The following ZC3HC1 variants were observed in gnomAD, a reference collection of about 807,000 sequenced individuals.
ZC3HC1 encodes the protein zinc finger C3HC-type containing 1, also known as zinc finger C3HC-type protein 1.
A neutral mutation model predicts 61.9 loss-of-function variants in ZC3HC1; 38 were observed. The observed-to-expected ratio is 0.61, with a 90% CI of 0.47 to 0.81. The LOEUF is 0.81. Ranked by LOEUF, ZC3HC1 falls within the 30% of genes least tolerant of loss-of-function variation. The probability of loss-of-function intolerance (pLI) is 0.00; values close to 1 mark genes in which losing one functional copy is unlikely to be tolerated. For missense variants in ZC3HC1, 554 were observed against 622.7 expected, an observed-to-expected ratio of 0.89 and a Z score of 1.17; for synonymous variants, 213 against 229.9, an observed-to-expected ratio of 0.93 and a Z score of 0.67.
At chr7:130,032,799 G>GGGAGGGAGGGTAGT (rs1794274038) in intron 4 of ZC3HC1, among the ~76,000 whole-genome samples, 1 of 135,550 alleles carries the variant, frequency 7.4e-6, no homozygotes, top group Admixed American at 7.5e-5. Context: ...GGGAAGGAAA[G>GGGAGGGAGGGTAGT]GAAGGGAAGG....
At chr7:130,034,512 A>G (rs1017981685) in intron 4 of ZC3HC1, among the ~76,000 whole-genome samples, 8 of 130,728 alleles carry the variant, frequency 6.1e-5, no homozygotes, top group African/African-American at 8.4e-5. Context: ...AAAAAAAAAA[A>G]GAGACAGGGT....
intron 4 of ZC3HC1, among the ~76,000 whole-genome samples, chr7:130,033,687 C>G (rs1315949035): frequency 2.0e-5 from 3 of 152,010 alleles, no homozygotes; most frequent in African/African-American, 7.2e-5. Flanking sequence ...CTCCTGACCT[C>G]GTGATCTGCC....
chr7:130,028,459 G>A (rs886933353), intron 5 of ZC3HC1, among the ~76,000 whole-genome samples: 58 of 151,866 alleles, frequency 3.8e-4, no homozygotes, highest in African/African-American at 9.4e-4. Flanking sequence ...GGAGAATTGC[G>A]TGGACCTGGG....
At position 130,029,144 on chromosome 7, in the gene ZC3HC1, G is replaced by A. The variant is rs529485030; in HGVS notation, c.494-115C>T. 150 of 1,201,144 alleles carry A rather than the reference G, an allele frequency of 1.2e-4. No homozygotes were observed. In the African/African-American group the frequency reaches 2.2e-3, roughly 17 times the overall value. The allele number at this position is 1,201,144 out of a possible 1,614,324, so 74.4% of individuals were successfully genotyped here. On this transcript the variant is annotated intron_variant, in intron 4 of 9. Coordinates refer to ENST00000358303, the MANE Select transcript of ZC3HC1 (RefSeq NM_016478.5). ...CCAGCACTTTGGAAGGCCGAGGCGG[G>A]CGGATCACCTGAGGTCAGGAGTTCA... is the stretch of plus-strand genomic sequence containing the variant.
intron 4 of ZC3HC1, among the ~76,000 whole-genome samples, chr7:130,038,881 C>T (rs1794533957): frequency 7.0e-6 from 1 of 142,756 alleles, no homozygotes; most frequent in Non-Finnish European, 1.5e-5. Context: ...AAAAAAAAAC[C>T]AAAAGAACTG....
At chr7:130,034,447 T>C (rs1294128624) in intron 4 of ZC3HC1, among the ~76,000 whole-genome samples, 1 of 119,134 alleles carries the variant, frequency 8.4e-6, no homozygotes, top group Non-Finnish European at 1.6e-5. Context: ...ACCCTGCCAC[T>C]GCACTCTAGC....
intron 1 of ZC3HC1, chr7:130,050,547 T>A (rs1394982795): frequency 7.2e-7 from 1 of 1,393,278 alleles, no homozygotes; most frequent in African/African-American, 1.5e-5. Flanking sequence ...TGACATTTAT[T>A]TCTCTCTAAA....
At position 130,026,163 on chromosome 7, in the gene ZC3HC1, C is replaced by T. The variant is rs754547144; in HGVS notation, c.771G>A (p.Ala257=). The change falls in exon 6 of 10, where the codon GCG becomes GCA. Residue 257 remains alanine, a synonymous_variant. Coordinates refer to ENST00000358303, the MANE Select transcript of ZC3HC1 (RefSeq NM_016478.5). ...GGCAAAATCTGCTGACTCACCTACA[C>T]GCCCAGCCACACACAGAGAGAATAC... ...TACILSVCGW[A]CSSSLESMQL... 2.0e-5 allele frequency: 32 copies of T among 1,612,658 alleles called. No individual in the cohort carries two copies. The highest frequency in any genetic ancestry group is 5.5e-5 in the South Asian group (5 of 90,982).
rs183496687 is a variant in ZC3HC1 at position 130,029,064 on chromosome 7, G to A, written c.494-35C>T. On this transcript the variant is annotated intron_variant, in intron 4 of 9. Coordinates refer to ENST00000358303, the MANE Select transcript of ZC3HC1 (RefSeq NM_016478.5). ...AAGTAAATTGGAAGATTATATTGGT[G>A]TAAACTGTAAAAAATAAAAAACACG... The A allele has an allele frequency of 1.2e-5, 19 of 1,590,098 alleles. No homozygotes were observed. The Admixed American group carries it at 2.9e-4, about 25-fold the overall frequency.
rs866489941 is a variant in ZC3HC1 at position 130,024,465 on chromosome 7, G to A, written c.818C>T (p.Ser273Leu). Residue 273 changes from serine (S) to leucine (L), a missense_variant, in exon 7 of 10, where the codon TCG (serine) becomes TTG (leucine). Physicochemically the swap from Ser to Leu is moderately radical, Grantham distance 145. Transcript: ENST00000358303. ...ESMQLSLITC[S>L]QCMRKVGLWG... ...GAGCCCCACCTTCCTCATACATTGC[G>A]AACATGTTATCAGGGAGAGCTGCAT... 2.0e-5 allele frequency: 32 copies of A among 1,613,912 alleles called. No individual in the cohort carries two copies. Among genetic ancestry groups the A allele is most frequent in the East Asian group, 1.3e-4 (6 of 44,866 alleles).
intron 4 of ZC3HC1, among the ~76,000 whole-genome samples, chr7:130,036,256 G>A (rs890626983): frequency 2.0e-5 from 3 of 152,086 alleles, no homozygotes; most frequent in South Asian, 2.1e-4. Flanking sequence ...GGTGGCTCAC[G>A]CCTGTAATCC....
rs1251950860 is a variant in ZC3HC1, at chr7:130,018,459, C to G, written c.*205G>C. On this transcript the variant is annotated 3_prime_UTR_variant, in exon 10 of 10. Coordinates refer to ENST00000358303, the MANE Select transcript of ZC3HC1 (RefSeq NM_016478.5). The stretch of plus-strand genomic sequence containing the variant: ...ACAGAACCATGCTTGCTGCCCTTAC[C>G]CTGTCCACATCCCTGAAAGGAAACG... 1.9e-6 allele frequency: 1 copy of G among 538,472 alleles called. No homozygotes were observed. The highest frequency in any genetic ancestry group is 3.3e-6 in the Non-Finnish European group (1 of 299,454). 33.4% of individuals were successfully genotyped at this position (538,472 alleles called of 1,614,324 possible).
chr7:130,035,463 C>T (rs1794396714), intron 4 of ZC3HC1, among the ~76,000 whole-genome samples: 1 of 150,818 alleles, frequency 6.6e-6, no homozygotes, highest in Non-Finnish European at 1.5e-5. Flanking sequence ...CGCACCTGAA[C>T]CTGGGAGGCG....
At position 130,023,444 on chromosome 7, in the gene ZC3HC1, A is replaced by G; in HGVS notation, c.1233+67T>C. On this transcript the variant is annotated intron_variant, in intron 8 of 9. Transcript: ENST00000358303. This position sits in a 1 kb window ranked among gnomAD's most constrained non-coding sequence, Gnocchi z 4.2. ...CGGAAGGGCTCCTGCCTGCTTCTCC[A>G]TGCTGCCTAGGGAGGGCCCAATATG... 1.3e-6 allele frequency: 2 copies of G among 1,496,744 alleles called. 1 individual carries two copies. The highest frequency in any genetic ancestry group is 2.4e-5 in the South Asian group (2 of 83,186). The allele number at this position is 1,496,744 out of a possible 1,614,324, so 92.7% of individuals were successfully genotyped here.
chr7:130,048,106 C>T lies in ZC3HC1; in HGVS notation c.258+927G>A, dbSNP rs553019268. ...GTAAATGAATCCTGCCAACAGTATG[C>T]CAATGACTGAGTTTGGAAGTGGACC... is the stretch of plus-strand genomic sequence containing the variant. On this transcript the variant is annotated intron_variant, in intron 2 of 9. Coordinates refer to ENST00000358303, the MANE Select transcript of ZC3HC1 (RefSeq NM_016478.5). Among the ~76,000 whole-genome samples, 50 of 150,748 alleles carry T rather than the reference C, an allele frequency of 3.3e-4. 1 individual carries two copies. The South Asian group carries it at 7.8e-3, about 23-fold the overall frequency.
At chr7:130,028,405 G>A (rs2116692618) in intron 5 of ZC3HC1, among the ~76,000 whole-genome samples, 1 of 151,980 alleles carries the variant, frequency 6.6e-6, no homozygotes, top group Non-Finnish European at 1.5e-5. Context: ...AGCCAGGTGT[G>A]GTGGCAGACG....
At chr7:130,048,823 G>A (rs111966638) in intron 2 of ZC3HC1, among the ~76,000 whole-genome samples, 3,536 of 152,012 alleles carry the variant, frequency 0.023, 123 homozygotes, top group African/African-American at 0.08. Context: ...CTTTTCTCAG[G>A]CTCTTAGTTT....
chr7:130,026,436 C>G, intron 5 of ZC3HC1, 124 bp from the exon 6 acceptor site: 1 of 998,242 alleles, frequency 1.0e-6, no homozygotes, highest in Admixed American at 2.7e-5. Flanking sequence ...GAAGATACTT[C>G]TCTTCACAGA....
intron 9 of ZC3HC1, among the ~76,000 whole-genome samples, chr7:130,022,087 G>A (rs899213287): frequency 1.3e-5 from 2 of 152,210 alleles, no homozygotes; most frequent in South Asian, 2.1e-4. Flanking sequence ...CAGGAGAATC[G>A]CTTGACCCAG....
Sources: allele counts gnomAD v4.1 joint callset (sites outside exome capture counted in the v4.1 genomes callset), GRCh38; gene constraint gnomAD v4.1.1; non-coding constraint Gnocchi (gnomAD v3.1); transcripts MANE v1.5; gene names NCBI Gene and HGNC (gene_info 2026-07-23, HGNC 2026-07-21).